TRIM71: variants seen among roughly 807,000 people sequenced by gnomAD.
The protein encoded by TRIM71 is E3 ubiquitin-protein ligase TRIM71.
Under a neutral mutation model 61.2 loss-of-function variants are expected in TRIM71, and 9 were observed. The ratio of observed to expected loss-of-function variants is 0.15; its 90% CI spans 0.09 to 0.26. The LOEUF (loss-of-function observed/expected upper bound fraction) is 0.26, where lower values mean the gene tolerates loss of function less well. Ranked by LOEUF, TRIM71 falls within the 10% of genes least tolerant of loss-of-function variation. The pLI is 1.00. For missense variants in TRIM71, 998 were observed against 1,238.7 expected, an observed-to-expected ratio of 0.81 and a Z score of 2.92; for synonymous variants, 645 against 553.2, an observed-to-expected ratio of 1.17 and a Z score of -2.33.
At chr3:32,821,520 A>G (rs1048408209) in intron 1 of TRIM71, among the ~76,000 whole-genome samples, 1 of 152,158 alleles carries the variant, frequency 6.6e-6, no homozygotes, top group Non-Finnish European at 1.5e-5. Flanking sequence ...CGTCTGAGCA[A>G]TTGGCTTTAA....
In TRIM71 at chr3:32,842,877, G is replaced by A. The variant is rs556694594; in HGVS notation, c.852+23945G>A. 5.9e-5 allele frequency among the ~76,000 whole-genome samples: 9 copies of A among 152,228 alleles called. No individual in the cohort carries two copies. In the East Asian group the frequency reaches 9.7e-4, roughly 16 times the overall value. ...CACTTCCTTCCCTGGGAGTTTTATG[G>A]GCCTCTGGGAGCCTGCCTTACTCTG... On this transcript the variant is annotated intron_variant, in intron 1 of 3. Coordinates refer to ENST00000383763, the MANE Select transcript of TRIM71 (RefSeq NM_001039111.3).
At chr3:32,821,507 T>A (rs1343174667) in intron 1 of TRIM71, among the ~76,000 whole-genome samples, 1 of 152,156 alleles carries the variant, frequency 6.6e-6, no homozygotes, top group Non-Finnish European at 1.5e-5. Flanking sequence ...AAGTAAGGTG[T>A]CTCGTCTGAG....
intron 1 of TRIM71, among the ~76,000 whole-genome samples, chr3:32,839,069 G>C (rs1217895227): frequency 6.6e-6 from 1 of 152,112 alleles, no homozygotes; most frequent in Non-Finnish European, 1.5e-5. Context: ...TGGGATTTCT[G>C]AGCCGCCATG....
At chr3:32,852,279 C>G (rs116778646) in intron 1 of TRIM71, among the ~76,000 whole-genome samples, 251 of 152,224 alleles carry the variant, frequency 1.6e-3, no homozygotes, top group African/African-American at 5.9e-3. Context: ...GTGTTCCTTT[C>G]TCTGACCAGA....
chr3:32,880,668 T>C (rs1696899207), intron 2 of TRIM71, among the ~76,000 whole-genome samples: 3 of 152,196 alleles, frequency 2.0e-5, no homozygotes, highest in South Asian at 2.1e-4. Flanking sequence ...CTCATCACTG[T>C]TGTAGGGCAT....
intron 1 of TRIM71, among the ~76,000 whole-genome samples, chr3:32,867,918 TGGTGTGTGTGTTTTAATTCCTA>T (rs1696756635): frequency 6.6e-6 from 1 of 152,138 alleles, no homozygotes. Flanking sequence ...TGCTTGTGTG[TGGTGTGTGTGTTTTAATTCCTA>T]ACACCCCTTT....
chr3:32,852,771 AAAAC>A (rs1432256444), intron 1 of TRIM71, among the ~76,000 whole-genome samples: 1 of 152,008 alleles, frequency 6.6e-6, no homozygotes, highest in African/African-American at 2.4e-5. Flanking sequence ...AAAAAAAAAA[AAAAC>A]AAAAACAAAC....
chr3:32,874,360 C>CTACTAA (rs906872422), intron 2 of TRIM71, among the ~76,000 whole-genome samples: 4 of 149,056 alleles, frequency 2.7e-5, no homozygotes, highest in African/African-American at 1.0e-4. Context: ...ACTACTACTA[C>CTACTAA]TACTACTACA....
At chr3:32,836,218 G>T (rs1047072398) in intron 1 of TRIM71, among the ~76,000 whole-genome samples, 1 of 151,976 alleles carries the variant, frequency 6.6e-6, no homozygotes, top group African/African-American at 2.4e-5. Flanking sequence ...TCCACCAGCC[G>T]CATTTCCTCC....
intron 1 of TRIM71, among the ~76,000 whole-genome samples, chr3:32,856,474 T>C (rs1307741397): frequency 6.6e-6 from 1 of 152,016 alleles, no homozygotes; most frequent in Non-Finnish European, 1.5e-5. Context: ...TGATAACACT[T>C]TGAGGGCAAG....
intron 3 of TRIM71, among the ~76,000 whole-genome samples, chr3:32,888,270 T>C (rs914172881): frequency 6.6e-6 from 1 of 151,972 alleles, no homozygotes; most frequent in Admixed American, 6.6e-5. Context: ...AGGTTCCCAG[T>C]TGGGTTTTTA....
chr3:32,893,031 A>G lies in TRIM71; in HGVS notation c.*1220A>G, dbSNP rs1393841286. 6.6e-6 allele frequency: 1 copy of G among 152,174 alleles called. No individual in the cohort carries two copies. The highest frequency in any genetic ancestry group is 1.5e-5 in the Non-Finnish European group (1 of 68,044). The allele number at this position is 152,174 out of a possible 1,614,324, so 9.4% of individuals were successfully genotyped here. On this transcript the variant is annotated 3_prime_UTR_variant, in exon 4 of 4. Coordinates refer to ENST00000383763, the MANE Select transcript of TRIM71 (RefSeq NM_001039111.3). ...AGGAAAGAACTTTTATTTTACAAGC[A>G]CAATTTTTTCCTGCTTTGAAAGTTC...
In TRIM71 at chr3:32,818,529, G is replaced by GGCACCACGC. The variant is rs1163245698; in HGVS notation, c.450_458dup (p.His155_His157dup). 1 of 1,365,836 alleles carries GGCACCACGC rather than the reference G, an allele frequency of 7.3e-7. No homozygotes were observed. Among genetic ancestry groups the GGCACCACGC allele is most frequent in the Non-Finnish European group, 9.4e-7 (1 of 1,062,670 alleles). The allele number at this position is 1,365,836 out of a possible 1,614,324, so 84.6% of individuals were successfully genotyped here. On this transcript the variant is annotated inframe_insertion, in exon 1 of 4. Coordinates refer to ENST00000383763, the MANE Select transcript of TRIM71 (RefSeq NM_001039111.3). ...GGAGCGGGCGGCCACAGCAACCACC[G>GGCACCACGC]GCACCACGCTCACCACGCGCACCCG...
intron 1 of TRIM71, among the ~76,000 whole-genome samples, chr3:32,851,425 C>T (rs1412758646): frequency 6.6e-6 from 1 of 152,188 alleles, no homozygotes; most frequent in Non-Finnish European, 1.5e-5. Context: ...GCGTTGTCCT[C>T]CTCACCTTTA....
chr3:32,874,165 G>C (rs62251956), intron 2 of TRIM71, among the ~76,000 whole-genome samples, 180 bp downstream of exon 2: 9,702 of 152,134 alleles, frequency 0.064, 398 homozygotes, highest in Non-Finnish European at 0.092. Flanking sequence ...TCGTGAAGAT[G>C]TCAGGGATGT....
intron 1 of TRIM71, among the ~76,000 whole-genome samples, chr3:32,854,916 A>T (rs748241740): frequency 2.6e-5 from 4 of 152,156 alleles, no homozygotes; most frequent in Non-Finnish European, 5.9e-5. Flanking sequence ...TCCCTTACCC[A>T]CGGTCAGCCA....
chr3:32,818,230 G>C lies in TRIM71; in HGVS notation c.150G>C (p.Gly50=). The change falls in exon 1 of 4, where the codon GGG becomes GGC. Residue 50 remains glycine, a synonymous_variant. Coordinates refer to ENST00000383763, the MANE Select transcript of TRIM71 (RefSeq NM_001039111.3). ...TSSGGGGGGP[G]AAARRLHVLP... Reference sequence around the variant, plus strand: ...CGGGGGGCGGCGGCGGGGGCCCTGGGGCGGCGGCGCGCCGCCTACACGTCC... The same window carrying C: ...CGGGGGGCGGCGGCGGGGGCCCTGGCGCGGCGGCGCGCCGCCTACACGTCC... 6.6e-7 allele frequency: 1 copy of C among 1,507,898 alleles called. No individual in the cohort carries two copies. The highest frequency in any genetic ancestry group is 2.6e-5 in the East Asian group (1 of 39,036). 93.4% of individuals were successfully genotyped at this position (1,507,898 alleles called of 1,614,324 possible).
At chr3:32,821,503 G>A (rs1273507331) in intron 1 of TRIM71, among the ~76,000 whole-genome samples, 1 of 152,152 alleles carries the variant, frequency 6.6e-6, no homozygotes, top group African/African-American at 2.4e-5. Flanking sequence ...TGGCAAGTAA[G>A]GTGTCTCGTC....
intron 1 of TRIM71, among the ~76,000 whole-genome samples, chr3:32,843,629 TTAA>T (rs1303574020): frequency 6.6e-6 from 1 of 152,184 alleles, no homozygotes; most frequent in Non-Finnish European, 1.5e-5. Flanking sequence ...AGGGTTTTAA[TTAA>T]CTGTGTTTAA....
Sources: allele counts gnomAD v4.1 joint callset (sites outside exome capture counted in the v4.1 genomes callset), GRCh38; gene constraint gnomAD v4.1.1; transcripts MANE v1.5; gene names NCBI Gene and HGNC (gene_info 2026-07-23, HGNC 2026-07-21).